CAMTA1: variants seen among roughly 807,000 people sequenced by gnomAD.
The protein encoded by CAMTA1 is calmodulin-binding transcription activator 1.
A neutral mutation model predicts 170.9 loss-of-function variants in CAMTA1; 27 were observed. The observed-to-expected ratio is 0.16, with a 90% CI of 0.12 to 0.22. CAMTA1 has a LOEUF of 0.22. Among genes scored for constraint, CAMTA1 ranks in the 10% least tolerant of loss-of-function variants. The pLI, the probability that CAMTA1 is intolerant of heterozygous loss-of-function variation, is 1.00. For synonymous variants in CAMTA1, 833 were observed against 891.5 expected, an observed-to-expected ratio of 0.93 and a Z score of 1.17; for missense variants, 1,619 against 2,217.2, an observed-to-expected ratio of 0.73 and a Z score of 5.42.
chr1:7,276,196 A>T (rs1670562655), intron 5 of CAMTA1, among the ~76,000 whole-genome samples: 1 of 145,068 alleles, frequency 6.9e-6, no homozygotes, highest in Admixed American at 6.9e-5. Context: ...ATGATTAAAA[A>T]AAAAAACCTT....
At chr1:7,281,302 G>A (rs1194216231) in intron 5 of CAMTA1, among the ~76,000 whole-genome samples, 2 of 152,092 alleles carry the variant, frequency 1.3e-5, no homozygotes, top group African/African-American at 2.4e-5. Context: ...AAGGTTGTAG[G>A]TATATATTTA....
chr1:7,611,292 A>G (rs560918004), intron 6 of CAMTA1, among the ~76,000 whole-genome samples: 142 of 152,004 alleles, frequency 9.3e-4, no homozygotes, highest in African/African-American at 3.4e-3. Context: ...AACAGTTCCA[A>G]CTTTTTAGAA....
Position 7,725,510 on chromosome 1 carries a change from A to G in CAMTA1, c.2915-6938A>G, listed in dbSNP as rs1428814685. On this transcript the variant is annotated intron_variant, in intron 11 of 22. Coordinates refer to ENST00000303635, the MANE Select transcript of CAMTA1 (RefSeq NM_015215.4). ...CAGAGCTACTGCGGATGGCTCTGGC[A>G]TGGTTCACATGAGGTGATGCCTCAC... 2.6e-5 allele frequency among the ~76,000 whole-genome samples: 4 copies of G among 152,352 alleles called. No homozygotes were observed. The East Asian group carries it at 5.8e-4, about 22-fold the overall frequency.
At chr1:7,678,499 C>T (rs1020423971) in intron 11 of CAMTA1, among the ~76,000 whole-genome samples, 16 of 152,172 alleles carry the variant, frequency 1.1e-4, no homozygotes, top group Admixed American at 9.8e-4. Context: ...TGGTGGTTCC[C>T]CTTGGGGTAC....
intron 22 of CAMTA1, 120 bp from the exon 23 acceptor site, chr1:7,766,339 C>G (rs2097024552): frequency 2.4e-6 from 2 of 822,960 alleles, no homozygotes; most frequent in East Asian, 5.3e-5. Flanking sequence ...GCCGTCAATC[C>G]TCAAAACGGT....
intron 1 of CAMTA1, among the ~76,000 whole-genome samples, chr1:6,815,028 C>G (rs192774336): frequency 1.6e-4 from 24 of 152,280 alleles, no homozygotes; most frequent in African/African-American, 5.3e-4. Context: ...AGAGTTTCTG[C>G]TTGATAGCCA....
chr1:7,578,967 G>A (rs1049516977), intron 6 of CAMTA1, among the ~76,000 whole-genome samples: 29 of 152,274 alleles, frequency 1.9e-4, no homozygotes, highest in Admixed American at 4.6e-4. Context: ...TACCATCCCC[G>A]TGGGAGGCTC....
At chr1:6,906,082 C>A (rs1393130612) in intron 3 of CAMTA1, among the ~76,000 whole-genome samples, 1 of 152,210 alleles carries the variant, frequency 6.6e-6, no homozygotes. Context: ...AAGTCACCCA[C>A]GGTCTTTTCT....
rs569081170 is a variant in CAMTA1 at position 7,646,334 on chromosome 1, A to G, written c.664+5781A>G. Among the ~76,000 whole-genome samples, 23 of 125,222 alleles carry G rather than the reference A, an allele frequency of 1.8e-4. No homozygotes were observed. In the Middle Eastern group the frequency reaches 0.045, roughly 247 times the overall value. The allele number at this position is 125,222 out of a possible 152,430, so 82.2% of individuals were successfully genotyped here. ...GGCCCTGGTGAGTTGGGTGGAGGCC[A>G]CGGTGAGTTGGGTGGAGGCCCTGGT... On this transcript the variant is annotated intron_variant, in intron 7 of 22. Transcript: ENST00000303635.
At chr1:7,169,723 G>A (rs996450765) in intron 4 of CAMTA1, among the ~76,000 whole-genome samples, 2 of 152,192 alleles carry the variant, frequency 1.3e-5, no homozygotes, top group African/African-American at 4.8e-5. Context: ...TGTTGGCCAG[G>A]CTGGTCTCGA....
chr1:6,967,825 A>G (rs1691824482), intron 3 of CAMTA1, among the ~76,000 whole-genome samples: 1 of 152,168 alleles, frequency 6.6e-6, no homozygotes, highest in South Asian at 2.1e-4. Flanking sequence ...ATCTTAGGGC[A>G]GGGGGTGAAG....
At chr1:7,744,639 C>A (rs2096844494) in intron 16 of CAMTA1, among the ~76,000 whole-genome samples, 196 bp from the exon 17 acceptor site, 1 of 152,178 alleles carries the variant, frequency 6.6e-6, no homozygotes, top group Non-Finnish European at 1.5e-5. Context: ...TGGAGATAAT[C>A]AGGTCTCAGG....
chr1:7,484,208 G>A (rs186193133), intron 6 of CAMTA1, among the ~76,000 whole-genome samples: 1 of 152,124 alleles, frequency 6.6e-6, no homozygotes, highest in South Asian at 2.1e-4. Flanking sequence ...CACAGAGGGG[G>A]GCCCACCTCA....
rs111226282 is a variant in CAMTA1, at chr1:7,301,010, C to T, written c.438+51384C>T. Among the ~76,000 whole-genome samples, 1,115 of 152,216 alleles carry T rather than the reference C, an allele frequency of 7.3e-3. 12 individuals carry two copies. Among genetic ancestry groups the T allele is most frequent in the African/African-American group, 0.025 (1,026 of 41,492 alleles). ...ATTACCCACCATCCTTTATGCAAGT[C>T]GGTATTAAATGCACTTTCTAAATAT... On this transcript the variant is annotated intron_variant, in intron 5 of 22. Transcript: ENST00000303635.
Position 7,456,762 on chromosome 1 carries a change from G to A in CAMTA1, c.439-11068G>A, listed in dbSNP as rs981245769. Among the ~76,000 whole-genome samples the A allele has an allele frequency of 4.6e-5, 7 of 152,356 alleles. No individual in the cohort carries two copies. Among genetic ancestry groups the A allele is most frequent in the South Asian group, 2.1e-4 (1 of 4,828 alleles). ...GGAGCTGGGCTGCCTTCCCCAAAGCGGTTTGGCAGGTGCTGGGACACAGCA... is the reference window on the plus strand; with the variant it reads ...GGAGCTGGGCTGCCTTCCCCAAAGCAGTTTGGCAGGTGCTGGGACACAGCA... On this transcript the variant is annotated intron_variant, in intron 5 of 22. Transcript: ENST00000303635. This position sits in a 1 kb window ranked among gnomAD's most constrained non-coding sequence, Gnocchi z 4.9.
At chr1:7,246,227 G>A (rs1305083002) in intron 4 of CAMTA1, among the ~76,000 whole-genome samples, 2 of 152,162 alleles carry the variant, frequency 1.3e-5, no homozygotes, top group African/African-American at 2.4e-5. Context: ...TGGCTAGAAT[G>A]GTTTGATTAT....
chr1:7,128,574 C>T (rs930494409), intron 4 of CAMTA1, among the ~76,000 whole-genome samples: 1 of 152,126 alleles, frequency 6.6e-6, no homozygotes, highest in South Asian at 2.1e-4. Context: ...CAGATCATGT[C>T]AGGCCTTTTA....
chr1:7,610,018 G>A (rs2095513129), intron 6 of CAMTA1, among the ~76,000 whole-genome samples: 1 of 152,172 alleles, frequency 6.6e-6, no homozygotes, highest in African/African-American at 2.4e-5. Context: ...GCACTCACAG[G>A]AGGGAGCTGT....
chr1:7,069,705 G>A (rs1455696648), intron 3 of CAMTA1, among the ~76,000 whole-genome samples: 2 of 151,822 alleles, frequency 1.3e-5, no homozygotes, highest in African/African-American at 2.4e-5. Context: ...AGTGGAGTGG[G>A]AACAGGGGAC....
Sources: allele counts gnomAD v4.1 joint callset (sites outside exome capture counted in the v4.1 genomes callset), GRCh38; gene constraint gnomAD v4.1.1; non-coding constraint Gnocchi (gnomAD v3.1); transcripts MANE v1.5; gene names NCBI Gene and HGNC (gene_info 2026-07-23, HGNC 2026-07-21).